MINPP1: variants seen among roughly 807,000 people sequenced by gnomAD.
The protein encoded by MINPP1 is multiple inositol polyphosphate phosphatase 1.
MINPP1 carries 28 observed loss-of-function variants against 46.1 expected under a neutral mutation model. That is an observed-to-expected ratio of 0.61 (90% confidence interval 0.45 to 0.83). MINPP1 has a LOEUF of 0.83. Among genes scored for constraint, MINPP1 ranks in the 40% least tolerant of loss-of-function variants. The probability of loss-of-function intolerance (pLI) is 0.00; values close to 1 mark genes in which losing one functional copy is unlikely to be tolerated. For synonymous variants in MINPP1, 268 were observed against 249.1 expected (o/e 1.08, Z -0.72); for missense variants, 603 against 610.0 (o/e 0.99, Z 0.12).
At chr10:87,525,646 A>C (rs1466543523) in intron 4 of MINPP1, among the ~76,000 whole-genome samples, 1 of 152,128 alleles carries the variant, frequency 6.6e-6, no homozygotes, top group East Asian at 1.9e-4. Context: ...TGCTGCACCC[A>C]TTAACTCGTC....
rs568946605 is a variant in MINPP1 at position 87,553,439 on chromosome 10, G to A, written c.*961G>A. On this transcript the variant is annotated 3_prime_UTR_variant, in exon 5 of 5. Transcript: ENST00000371996. ...GTCAAAATACAATCAATAATTGATG[G>A]TAAAAGTTTGGAAATTCAAGCAGAT... 6.8e-4 allele frequency: 104 copies of A among 152,038 alleles called. 1 individual carries two copies. The highest frequency in any genetic ancestry group is 1.2e-3 in the Admixed American group (18 of 15,258). 9.4% of individuals were successfully genotyped at this position (152,038 alleles called of 1,614,324 possible). A position where few individuals can be genotyped will look rare whatever the true frequency, so the allele number is the denominator to read the frequency against.
At chr10:87,548,755 T>G (rs1322197417) in intron 4 of MINPP1, among the ~76,000 whole-genome samples, 9 of 152,132 alleles carry the variant, frequency 5.9e-5, no homozygotes, top group Admixed American at 5.9e-4. Context: ...GCTCTACTTT[T>G]TTTAAACTAT....
chr10:87,538,323 G>A lies in MINPP1; in HGVS notation c.1068-13759G>A, dbSNP rs564443338. 7.2e-5 allele frequency among the ~76,000 whole-genome samples: 11 copies of A among 152,216 alleles called. No individual in the cohort carries two copies. In the South Asian group the frequency reaches 1.7e-3, roughly 23 times the overall value. On this transcript the variant is annotated intron_variant, in intron 4 of 4. Coordinates refer to ENST00000371996, the MANE Select transcript of MINPP1 (RefSeq NM_004897.5). Reference sequence around the variant, plus strand: ...TCTCAGCTGCTCAGGGCGACTTCCCGAGCTGTTTGGGCATCCCCTCCCTGT... The same window carrying A: ...TCTCAGCTGCTCAGGGCGACTTCCCAAGCTGTTTGGGCATCCCCTCCCTGT...
intron 4 of MINPP1, among the ~76,000 whole-genome samples, chr10:87,523,041 G>T (rs983344387): frequency 2.6e-5 from 4 of 152,156 alleles, no homozygotes; most frequent in African/African-American, 9.7e-5. Flanking sequence ...GTTTGATCAT[G>T]ATATTGCAGT....
intron 4 of MINPP1, among the ~76,000 whole-genome samples, chr10:87,542,648 A>G (rs2131838587): frequency 6.6e-6 from 1 of 152,190 alleles, no homozygotes; most frequent in East Asian, 1.9e-4. Context: ...TGCCATGTGA[A>G]ACCTGCTTCC....
intron 2 of MINPP1, chr10:87,509,615 C>G (rs927506507): frequency 9.5e-6 from 2 of 211,590 alleles, no homozygotes; most frequent in Non-Finnish European, 2.0e-5. Flanking sequence ...TCCTGGATCC[C>G]ATTCTTCTTC....
rs1851978887 is a variant in MINPP1, at chr10:87,552,451, G to T, written c.1437G>T (p.Arg479Ser). 1 of 1,612,824 alleles carries T rather than the reference G, an allele frequency of 6.2e-7. No homozygotes were observed. Among genetic ancestry groups the T allele is most frequent in the African/African-American group, 1.3e-5 (1 of 74,868 alleles). ...CQTSEECELARANSTSDEL is the reference protein window; with the variant it reads ...CQTSEECELASANSTSDEL The stretch of plus-strand genomic sequence containing the variant: ...CCAGTGAAGAATGTGAATTAGCAAG[G>T]GCTAACAGTACATCTGATGAACTAT... The change falls in exon 5 of 5, where the codon AGG becomes AGT. Residue 479 changes from arginine (R) to serine (S), a missense_variant. Coordinates refer to ENST00000371996, the MANE Select transcript of MINPP1 (RefSeq NM_004897.5).
chr10:87,542,318 T>C (rs1417918121), intron 4 of MINPP1, among the ~76,000 whole-genome samples: 2 of 57,106 alleles, frequency 3.5e-5, no homozygotes, highest in Non-Finnish European at 1.1e-4. Context: ...TCTCTCTCTC[T>C]TTTTTTTTTT....
chr10:87,533,269 G>T (rs1252375148), intron 4 of MINPP1, among the ~76,000 whole-genome samples: 1 of 151,818 alleles, frequency 6.6e-6, no homozygotes, highest in African/African-American at 2.4e-5. Flanking sequence ...TGGAAAAAAT[G>T]GAAGATTGCA....
rs768685503 is a variant in MINPP1, at chr10:87,516,813, T to C, written c.933+3592T>C. 7.9e-5 allele frequency among the ~76,000 whole-genome samples: 12 copies of C among 151,418 alleles called. 5 individuals carry two copies. Among genetic ancestry groups the C allele is most frequent in the Non-Finnish European group, 1.5e-4 (10 of 67,780 alleles). On this transcript the variant is annotated intron_variant, in intron 3 of 4. Transcript: ENST00000371996. ...CTTCTCTGAAATTATTTCTCCGTAATTGTGTATTTTTGCTTTCAATTTTTT... is the reference window on the plus strand; with the variant it reads ...CTTCTCTGAAATTATTTCTCCGTAACTGTGTATTTTTGCTTTCAATTTTTT...
chr10:87,521,305 G>T lies in MINPP1; in HGVS notation c.1067+136G>T. On this transcript the variant is annotated intron_variant, in intron 4 of 4. Transcript: ENST00000371996. ...AATTTTAATATAATGTGATACAAAA[G>T]AATTCGATAACATATATGTAAATTA... 4.6e-6 allele frequency: 3 copies of T among 652,946 alleles called. No individual in the cohort carries two copies. In the South Asian group the frequency reaches 5.7e-5, roughly 12 times the overall value. The allele number at this position is 652,946 out of a possible 1,614,324, so 40.4% of individuals were successfully genotyped here. A position where few individuals can be genotyped will look rare whatever the true frequency, so the allele number is the denominator to read the frequency against.
chr10:87,508,129 C>G, intron 1 of MINPP1: 1 of 1,527,342 alleles, frequency 6.5e-7, no homozygotes. Context: ...ATTTCTTTAG[C>G]CTTTTCTAGC....
At position 87,505,314 on chromosome 10, in the gene MINPP1, C is replaced by G. The variant is rs746187171; in HGVS notation, c.399C>G (p.Asp133Glu). ...GSRDLGAALA[D>E]WPLWYADWMD... ...GCGACCTGGGTGCAGCGCTGGCCGA[C>G]TGGCCTTTGTGGTACGCGGACTGGA... Residue 133 changes from aspartate to glutamate, a missense_variant, in exon 1 of 5, where the codon GAC becomes GAG. Around this residue, in one of 3 missense-constraint regions of MINPP1, gnomAD observed 239 missense variants for 189.4 expected, o/e 1.26. Coordinates refer to ENST00000371996, the MANE Select transcript of MINPP1 (RefSeq NM_004897.5). This position sits in a 1 kb window ranked among gnomAD's most constrained non-coding sequence, Gnocchi z 4.4. The G allele has an allele frequency of 6.2e-7, 1 of 1,612,338 alleles. No individual in the cohort carries two copies. Among genetic ancestry groups the G allele is most frequent in the Non-Finnish European group, 8.5e-7 (1 of 1,178,636 alleles).
chr10:87,513,318 G>T, intron 3 of MINPP1, 97 bp downstream of exon 3: 2 of 801,318 alleles, frequency 2.5e-6, no homozygotes, highest in South Asian at 2.9e-5. Flanking sequence ...TTCAGAAAAT[G>T]AGTAGTTAGG....
At chr10:87,550,552 T>C in intron 4 of MINPP1, among the ~76,000 whole-genome samples, 1 of 152,180 alleles carries the variant, frequency 6.6e-6, no homozygotes. Flanking sequence ...GTTATTCTGC[T>C]CCTTATTTTT....
At chr10:87,506,845 G>A (rs923327907) in intron 1 of MINPP1, among the ~76,000 whole-genome samples, 1 of 152,190 alleles carries the variant, frequency 6.6e-6, no homozygotes, top group Non-Finnish European at 1.5e-5. Context: ...TTTCTCCACT[G>A]ATTCTGTGTC....
intron 4 of MINPP1, among the ~76,000 whole-genome samples, chr10:87,524,035 C>T (rs1851539783): frequency 6.6e-6 from 1 of 152,210 alleles, no homozygotes; most frequent in African/African-American, 2.4e-5. Flanking sequence ...CTTCAACTTA[C>T]AGTCAGGAGC....
At chr10:87,506,170 G>A (rs1016043947) in intron 1 of MINPP1, among the ~76,000 whole-genome samples, 3 of 151,774 alleles carry the variant, frequency 2.0e-5, no homozygotes, top group Admixed American at 2.0e-4. Flanking sequence ...CGTTGTAGCT[G>A]TGGTCCGTGG....
At chr10:87,539,654 T>C (rs1250190024) in intron 4 of MINPP1, among the ~76,000 whole-genome samples, 4 of 152,192 alleles carry the variant, frequency 2.6e-5, no homozygotes, top group Non-Finnish European at 4.4e-5. Context: ...TTGTAATATA[T>C]AGCACGGGGA....
Sources: allele counts gnomAD v4.1 joint callset (sites outside exome capture counted in the v4.1 genomes callset), GRCh38; gene constraint gnomAD v4.1.1; regional missense constraint gnomAD v4.1.1; non-coding constraint Gnocchi (gnomAD v3.1); transcripts MANE v1.5; gene names NCBI Gene and HGNC (gene_info 2026-07-23, HGNC 2026-07-21).